Variants in JPH1 observed in about 807,000 individuals in gnomAD.
JPH1 encodes junctophilin-1.
A neutral mutation model predicts 53.6 loss-of-function variants in JPH1; 12 were observed. The observed-to-expected ratio is 0.22, with a 90% CI of 0.14 to 0.36. The LOEUF is 0.36. Ranked by LOEUF, JPH1 falls within the 10% of genes least tolerant of loss-of-function variation. The pLI is 1.00. For synonymous variants in JPH1, 375 were observed against 363.8 expected, an observed-to-expected ratio of 1.03 and a Z score of -0.35; for missense variants, 808 against 905.5, an observed-to-expected ratio of 0.89 and a Z score of 1.38.
intron 2 of JPH1, among the ~76,000 whole-genome samples, chr8:74,270,184 A>G (rs912492786): frequency 6.6e-6 from 1 of 152,226 alleles, no homozygotes; most frequent in Non-Finnish European, 1.5e-5. Context: ...TTTGGTTTTC[A>G]TCAAGGTTAG....
At chr8:74,272,344 C>G (rs929012317) in intron 2 of JPH1, among the ~76,000 whole-genome samples, 18 of 152,330 alleles carry the variant, frequency 1.2e-4, no homozygotes, top group African/African-American at 3.8e-4. Flanking sequence ...TCTTTCCCTA[C>G]TTATTACATA....
intron 2 of JPH1, among the ~76,000 whole-genome samples, chr8:74,293,127 A>C (rs1273289026): frequency 6.6e-6 from 1 of 152,152 alleles, no homozygotes; most frequent in Non-Finnish European, 1.5e-5. Context: ...TTGGGTAGGA[A>C]CCTGTACAGC....
intron 2 of JPH1, among the ~76,000 whole-genome samples, chr8:74,304,101 C>T (rs1807764637): frequency 6.6e-6 from 1 of 152,210 alleles, no homozygotes; most frequent in African/African-American, 2.4e-5. Context: ...CTGCCTCCAG[C>T]CCCAGGCTAT....
intron 2 of JPH1, among the ~76,000 whole-genome samples, chr8:74,287,654 C>T (rs1807206370): frequency 6.7e-6 from 1 of 150,224 alleles, no homozygotes; most frequent in African/African-American, 2.4e-5. Context: ...TACAATTTAA[C>T]AATTAGTCTA....
chr8:74,264,110 G>A (rs1280602266), intron 2 of JPH1, among the ~76,000 whole-genome samples: 2 of 152,154 alleles, frequency 1.3e-5, no homozygotes, highest in African/African-American at 2.4e-5. Context: ...TACACATAGG[G>A]CCCTGAGATG....
In JPH1 at chr8:74,245,065, G is replaced by A. The variant is rs138696789; in HGVS notation, c.1369C>T (p.Arg457Cys). Reference sequence around the variant, plus strand: ...GATCTTGGGGGTGTCGTGCCTTTGCGATAAAAATGAGGAGACTCCTTTGGT... The same window carrying A: ...GATCTTGGGGGTGTCGTGCCTTTGCAATAAAAATGAGGAGACTCCTTTGGT... Reference protein sequence around the residue: ...PTPKESPHFYRKGTTPPRSPE... With the variant: ...PTPKESPHFYCKGTTPPRSPE... Residue 457 changes from arginine to cysteine, a missense_variant, in exon 4 of 6, where the codon CGC becomes TGC. Arg to Cys is a radical substitution (Grantham distance 180). Transcript: ENST00000342232. The A allele has an allele frequency of 5.6e-6, 9 of 1,613,654 alleles. No homozygotes were observed. The highest frequency in any genetic ancestry group is 1.7e-5 in the Admixed American group (1 of 59,976).
At chr8:74,275,282 G>GCAAAACAGAGATGAAGAAAATGGAT in intron 2 of JPH1, among the ~76,000 whole-genome samples, 1 of 152,160 alleles carries the variant, frequency 6.6e-6, no homozygotes, top group Non-Finnish European at 1.5e-5. Context: ...CTACATAGTA[G>GCAAAACAGAGATGAAGAAAATGGAT]CAAAACAGAG....
At chr8:74,295,774 C>G (rs990841519) in intron 2 of JPH1, among the ~76,000 whole-genome samples, 2 of 152,072 alleles carry the variant, frequency 1.3e-5, no homozygotes, top group African/African-American at 4.8e-5. Context: ...ATGGGTCTCT[C>G]GGGTTCTTGC....
rs1806985011 is a variant in JPH1, at chr8:74,235,902, T to C, written c.*1149A>G. On this transcript the variant is annotated 3_prime_UTR_variant, in exon 6 of 6. Coordinates refer to ENST00000342232, the MANE Select transcript of JPH1 (RefSeq NM_020647.4). Reference sequence around the variant, plus strand: ...TGAATGTATTCAACAGAAATTTAAGTTGGAAAAAGAAAACAAGAAAGAGCA... The same window carrying C: ...TGAATGTATTCAACAGAAATTTAAGCTGGAAAAAGAAAACAAGAAAGAGCA... The C allele has an allele frequency of 6.6e-6, 1 of 152,210 alleles. No individual in the cohort carries two copies. 9.4% of individuals were successfully genotyped at this position (152,210 alleles called of 1,614,324 possible).
At chr8:74,279,977 A>T (rs1404513315) in intron 2 of JPH1, among the ~76,000 whole-genome samples, 2 of 152,218 alleles carry the variant, frequency 1.3e-5, no homozygotes, top group African/African-American at 4.8e-5. Flanking sequence ...TAGTCTTCAT[A>T]TTAAATTTGA....
chr8:74,311,671 T>G (rs201254602), intron 2 of JPH1, among the ~76,000 whole-genome samples: 1 of 14,696 alleles, frequency 6.8e-5, no homozygotes. Flanking sequence ...ATCCCTCCCC[T>G]CCCCCCACCC....
intron 2 of JPH1, among the ~76,000 whole-genome samples, chr8:74,270,274 A>G (rs1451546006): frequency 6.6e-6 from 1 of 152,238 alleles, no homozygotes; most frequent in African/African-American, 2.4e-5. Flanking sequence ...CCAAATCACC[A>G]AATTAGTAAT....
intron 3 of JPH1, among the ~76,000 whole-genome samples, chr8:74,257,504 T>C (rs1264331734): frequency 6.6e-6 from 1 of 152,128 alleles, no homozygotes; most frequent in Non-Finnish European, 1.5e-5. Context: ...TCAAAGCCGC[T>C]CAAGCCCAGT....
At chr8:74,265,390 C>A (rs1456596717) in intron 2 of JPH1, among the ~76,000 whole-genome samples, 1 of 152,110 alleles carries the variant, frequency 6.6e-6, no homozygotes, top group Non-Finnish European at 1.5e-5. Flanking sequence ...ACTTAATAAG[C>A]TTAAAGGCTA....
chr8:74,302,085 T>C lies in JPH1; in HGVS notation c.1139+12776A>G, dbSNP rs150242842. Among the ~76,000 whole-genome samples, 506 of 152,320 alleles carry C rather than the reference T, an allele frequency of 3.3e-3. 2 individuals are homozygous for C. The highest frequency in any genetic ancestry group is 0.015 in the South Asian group (73 of 4,818). ...CATGGGGATGAGAGGAGATGACAGA[T>C]GTCAAATTCACACAGCAGGTAACCA... On this transcript the variant is annotated intron_variant, in intron 2 of 5. Coordinates refer to ENST00000342232, the MANE Select transcript of JPH1 (RefSeq NM_020647.4).
At chr8:74,313,605 A>AT (rs143823341) in intron 2 of JPH1, among the ~76,000 whole-genome samples, 1,746 of 150,782 alleles carry the variant, frequency 0.012, 39 homozygotes, top group African/African-American at 0.04. Flanking sequence ...TGATGTCACC[A>AT]TTTTTTTTTG....
intron 2 of JPH1, among the ~76,000 whole-genome samples, chr8:74,260,382 C>A (rs1278179602): frequency 1.3e-5 from 2 of 152,030 alleles, no homozygotes; most frequent in Non-Finnish European, 2.9e-5. Context: ...TGTCTACTGG[C>A]CCCAGAGAGG....
chr8:74,273,218 G>A (rs765930164), intron 2 of JPH1, among the ~76,000 whole-genome samples: 4 of 152,152 alleles, frequency 2.6e-5, no homozygotes, highest in Non-Finnish European at 5.9e-5. Flanking sequence ...ATGTTTGCTC[G>A]ATGGGTTTAA....
chr8:74,249,485 C>G (rs564905639), intron 3 of JPH1, among the ~76,000 whole-genome samples: 1 of 152,296 alleles, frequency 6.6e-6, no homozygotes, highest in Non-Finnish European at 1.5e-5. Context: ...CCATAGTGCT[C>G]TGGTCTGCAA....
Sources: gnomAD v4.1 joint callset for allele counts (sites outside exome capture counted in the v4.1 genomes callset) on GRCh38, gnomAD v4.1.1 for gene constraint, MANE v1.5 for transcripts, NCBI Gene and HGNC (gene_info 2026-07-23, HGNC 2026-07-21) for gene names.